Variants in MTNR1B observed in about 807,000 individuals in gnomAD.
The protein encoded by MTNR1B is melatonin receptor 1B.
A neutral mutation model predicts 7.0 loss-of-function variants in MTNR1B; 7 were observed. The observed-to-expected ratio is 1.00, with a 90% CI of 0.57 to 1.88. The LOEUF (loss-of-function observed/expected upper bound fraction) is 1.88, where lower values mean the gene tolerates loss of function less well. Among genes scored for constraint, MTNR1B ranks in the 40% most tolerant of loss-of-function variants. The probability of loss-of-function intolerance (pLI) is 0.00; values close to 1 mark genes in which losing one functional copy is unlikely to be tolerated. For synonymous variants in MTNR1B, 226 were observed against 208.2 expected, an observed-to-expected ratio of 1.09 and a Z score of -0.74; for missense variants, 478 against 486.5, an observed-to-expected ratio of 0.98 and a Z score of 0.16.
Position 92,981,649 on chromosome 11 carries a change from C to G in MTNR1B, c.426C>G (p.Ile142Met), listed in dbSNP as rs765857772. The change falls in exon 2 of 2, where the codon ATC (isoleucine) becomes ATG (methionine). Residue 142 changes from isoleucine (I) to methionine (M), a missense_variant. By Grantham distance (10) the Ile-to-Met change is conservative (BLOSUM62 1). Transcript: ENST00000257068. The stretch of plus-strand genomic sequence containing the variant: ...TCGCCATTAACCGCTACTGCTACAT[C>G]TGCCACAGCATGGCCTACCACCGAA... ...TAIAINRYCY[I>M]CHSMAYHRIY... is the part of the protein sequence containing the mutation. 1.2e-6 allele frequency: 2 copies of G among 1,614,066 alleles called. No individual in the cohort carries two copies. The highest frequency in any genetic ancestry group is 1.7e-5 in the Admixed American group (1 of 60,004).
chr11:92,969,747 G>A lies in MTNR1B; in HGVS notation c.22G>A (p.Ala8Thr). 1 of 1,490,604 alleles carries A rather than the reference G, an allele frequency of 6.7e-7. No homozygotes were observed. The highest frequency in any genetic ancestry group is 8.9e-7 in the Non-Finnish European group (1 of 1,118,452). The allele number at this position is 1,490,604 out of a possible 1,614,324, so 92.3% of individuals were successfully genotyped here. ...TGCGATGTCAGAGAACGGCTCCTTC[G>A]CCAACTGCTGCGAGGCGGGCGGGTG... is the stretch of plus-strand genomic sequence containing the variant. MSENGSF[A>T]NCCEAGGWAV... Residue 8 changes from alanine to threonine, a missense_variant, in exon 1 of 2, where the codon GCC becomes ACC. Transcript: ENST00000257068.
In MTNR1B at chr11:92,969,834, C is replaced by T; in HGVS notation, c.109C>T (p.Pro37Ser). Residue 37 changes from proline (P) to serine (S), a missense_variant, in exon 1 of 2, where the codon CCC becomes TCC. Pro to Ser is a moderately conservative substitution (Grantham distance 74). Coordinates refer to ENST00000257068, the MANE Select transcript of MTNR1B (RefSeq NM_005959.5). ...GCGGCCCTCCAGGACCCCTCGACCT[C>T]CCTGGGTGGCTCCAGCGCTGTCCGC... ...SARPSRTPRP[P>S]WVAPALSAVL... 1 of 1,606,402 alleles carries T rather than the reference C, an allele frequency of 6.2e-7. No homozygotes were observed. The highest frequency in any genetic ancestry group is 1.1e-5 in the South Asian group (1 of 89,252).
At chr11:92,978,092 C>A (rs16918341) in intron 1 of MTNR1B, among the ~76,000 whole-genome samples, 2,603 of 152,192 alleles carry the variant, frequency 0.017, 41 homozygotes, top group African/African-American at 0.042. Flanking sequence ...GCTCAATGAC[C>A]AAGGAGAATT....
At chr11:92,980,457 T>C (rs2136516682) in intron 1 of MTNR1B, among the ~76,000 whole-genome samples, 1 of 152,320 alleles carries the variant, frequency 6.6e-6, no homozygotes, top group Non-Finnish European at 1.5e-5. Context: ...TATTCGTGAG[T>C]CAGTGTTGGT....
chr11:92,983,019 C>G (rs1858144529), downstream of MTNR1B, among the ~76,000 whole-genome samples: 1 of 139,484 alleles, frequency 7.2e-6, no homozygotes, highest in Admixed American at 7.8e-5. Context: ...TTTTCTGGTT[C>G]CATCATGTTC....
rs1304377294 is a variant in MTNR1B, at chr11:92,982,011, G to T, written c.788G>T (p.Cys263Phe). Residue 263 changes from cysteine (C) to phenylalanine (F), a missense_variant, in exon 2 of 2, where the codon TGC becomes TTC. Coordinates refer to ENST00000257068, the MANE Select transcript of MTNR1B (RefSeq NM_005959.5). Reference sequence around the variant, plus strand: ...GTGGTGTTTGTGATCTTTGCCATCTGCTGGGCTCCACTTAACTGCATCGGC... The same window carrying T: ...GTGGTGTTTGTGATCTTTGCCATCTTCTGGGCTCCACTTAACTGCATCGGC... The part of the protein sequence containing the change: ...MFVVFVIFAI[C>F]WAPLNCIGLA... 5 of 1,614,244 alleles carry T rather than the reference G, an allele frequency of 3.1e-6. No homozygotes were observed. Among genetic ancestry groups the T allele is most frequent in the South Asian group, 2.2e-5 (2 of 91,088 alleles).
Position 92,982,452 on chromosome 11 carries a change from C to T in MTNR1B, c.*140C>T. On this transcript the variant is annotated 3_prime_UTR_variant, in exon 2 of 2. Transcript: ENST00000257068. ...GCCCCAAGGCTGGGGGAACTTCATG[C>T]TGGGACAAGCAGCCCATCAACGCCA... 9.6e-7 allele frequency: 1 copy of T among 1,045,716 alleles called. No homozygotes were observed. Among genetic ancestry groups the T allele is most frequent in the Non-Finnish European group, 1.3e-6 (1 of 741,486 alleles). 64.8% of individuals were successfully genotyped at this position (1,045,716 alleles called of 1,614,324 possible). A position where few individuals can be genotyped will look rare whatever the true frequency, so the allele number is the denominator to read the frequency against.
At chr11:92,979,120 A>G (rs1306313752) in intron 1 of MTNR1B, among the ~76,000 whole-genome samples, 1 of 152,234 alleles carries the variant, frequency 6.6e-6, no homozygotes, top group East Asian at 1.9e-4. Flanking sequence ...GTCACCAAGA[A>G]AGGAACTCGG....
At chr11:92,970,441 T>TTATC (rs1857906609) in intron 1 of MTNR1B, among the ~76,000 whole-genome samples, 1 of 152,342 alleles carries the variant, frequency 6.6e-6, no homozygotes, top group East Asian at 1.9e-4. Flanking sequence ...TGTCAAAAAC[T>TTATC]TATCTCCAGG....
intron 1 of MTNR1B, among the ~76,000 whole-genome samples, chr11:92,974,651 G>T (rs1315528883): frequency 1.3e-5 from 2 of 151,674 alleles, no homozygotes; most frequent in Non-Finnish European, 2.9e-5. Context: ...GCCCAGGCTG[G>T]AGTGCAGTAG....
chr11:92,973,443 G>C (rs1320083122), intron 1 of MTNR1B, among the ~76,000 whole-genome samples: 1 of 152,060 alleles, frequency 6.6e-6, no homozygotes, highest in Non-Finnish European at 1.5e-5. Flanking sequence ...CAGCTCCCAC[G>C]GCCATTTGCG....
chr11:92,983,775 A>T (rs1858157260), downstream of MTNR1B, among the ~76,000 whole-genome samples: 1 of 152,192 alleles, frequency 6.6e-6, no homozygotes, highest in Admixed American at 6.5e-5. Flanking sequence ...CTGCAAGGTC[A>T]CAGTCTGTTG....
At chr11:92,975,900 G>A (rs1395786440) in intron 1 of MTNR1B, among the ~76,000 whole-genome samples, 1 of 152,166 alleles carries the variant, frequency 6.6e-6, no homozygotes, top group African/African-American at 2.4e-5. Context: ...GCAATGTTTA[G>A]AGTGCCATTA....
chr11:92,984,822 C>A (rs988216101), downstream of MTNR1B: 2 of 449,394 alleles, frequency 4.5e-6, no homozygotes, highest in Non-Finnish European at 8.9e-6. Flanking sequence ...TGGTGATAAA[C>A]CAGGAGCTGA....
At chr11:92,970,051 C>T (rs1430078523) in intron 1 of MTNR1B, 103 bp downstream of exon 1, 3 of 1,338,782 alleles carry the variant, frequency 2.2e-6, no homozygotes, top group Non-Finnish European at 2.9e-6. Flanking sequence ...CTCCTCAGCC[C>T]GGGCTCCCCT....
Position 92,982,321 on chromosome 11 carries a change from T to C in MTNR1B, c.*9T>C. ...AGGCAGATGCTCTCTAGCCTGGATC[T>C]GAGGCACACCAGCAGCATGACAAAC... is the stretch of plus-strand genomic sequence containing the variant. On this transcript the variant is annotated 3_prime_UTR_variant, in exon 2 of 2. Coordinates refer to ENST00000257068, the MANE Select transcript of MTNR1B (RefSeq NM_005959.5). The C allele has an allele frequency of 1.2e-6, 2 of 1,603,672 alleles. No individual in the cohort carries two copies.
intron 1 of MTNR1B, among the ~76,000 whole-genome samples, chr11:92,974,128 G>A (rs2136510957): frequency 6.6e-6 from 1 of 152,308 alleles, no homozygotes; most frequent in Admixed American, 6.5e-5. Context: ...TCCTCTTGGG[G>A]AGTTTGCCCC....
chr11:92,982,938 C>A (rs968888393), downstream of MTNR1B, among the ~76,000 whole-genome samples: 4 of 80,988 alleles, frequency 4.9e-5, no homozygotes, highest in Admixed American at 1.2e-4. Context: ...CACACTGCAC[C>A]CCCCCCCCCC....
At chr11:92,977,845 TC>T (rs1245985278) in intron 1 of MTNR1B, among the ~76,000 whole-genome samples, 1 of 152,220 alleles carries the variant, frequency 6.6e-6, no homozygotes, top group Admixed American at 6.5e-5. Context: ...GAAGAAGACC[TC>T]AAGGCACAGA....
Sources: gnomAD v4.1 joint callset for allele counts (sites outside exome capture counted in the v4.1 genomes callset) on GRCh38, gnomAD v4.1.1 for gene constraint, MANE v1.5 for transcripts, NCBI Gene and HGNC (gene_info 2026-07-23, HGNC 2026-07-21) for gene names.